PPP2R2C: variants seen among roughly 807,000 people sequenced by gnomAD.
PPP2R2C encodes protein phosphatase 2, regulatory subunit B, gamma.
A neutral mutation model predicts 45.3 loss-of-function variants in PPP2R2C; 10 were observed. The ratio of observed to expected loss-of-function variants is 0.22; its 90% CI spans 0.14 to 0.37. The LOEUF (loss-of-function observed/expected upper bound fraction) is 0.37. Among genes scored for constraint, PPP2R2C ranks in the 10% least tolerant of loss-of-function variants. The pLI is 1.00. For missense variants in PPP2R2C, 308 were observed against 619.7 expected, an observed-to-expected ratio of 0.50 and a Z score of 5.34; for synonymous variants, 257 against 245.4, an observed-to-expected ratio of 1.05 and a Z score of -0.44.
chr4:6,366,979 G>C, intron 5 of PPP2R2C, among the ~76,000 whole-genome samples: 1 of 151,998 alleles, frequency 6.6e-6, no homozygotes, highest in Non-Finnish European at 1.5e-5. Context: ...CTCTGGGCAG[G>C]ACAGGGCGGG....
intron 1 of PPP2R2C, among the ~76,000 whole-genome samples, chr4:6,412,199 C>T (rs552226655): frequency 2.6e-5 from 4 of 152,338 alleles, no homozygotes; most frequent in Admixed American, 2.6e-4. Context: ...AAAAGACCTT[C>T]TCTTAATGAC....
At chr4:6,466,970 T>C (rs1422235191) in intron 1 of PPP2R2C, among the ~76,000 whole-genome samples, 1 of 152,104 alleles carries the variant, frequency 6.6e-6, no homozygotes, top group Non-Finnish European at 1.5e-5. Flanking sequence ...TTTACACGTG[T>C]AGAACTTCAG....
At chr4:6,427,778 A>G (rs1577175149) in intron 1 of PPP2R2C, among the ~76,000 whole-genome samples, 1 of 152,230 alleles carries the variant, frequency 6.6e-6, no homozygotes, top group Admixed American at 6.5e-5. Context: ...CTGAACCCCC[A>G]GTCTGAGAGG....
At chr4:6,405,044 C>G (rs1245935485) in intron 1 of PPP2R2C, among the ~76,000 whole-genome samples, 1 of 152,206 alleles carries the variant, frequency 6.6e-6, no homozygotes, top group East Asian at 1.9e-4. Context: ...ATAAGATGCT[C>G]AGAAGTGTGT....
exon 2 of PPP2R2C, chr4:6,535,316 G>A (rs1240137510): frequency 7.8e-6 from 12 of 1,535,172 alleles, no homozygotes; most frequent in African/African-American, 5.5e-5. Flanking sequence ...TCCGCCTCAC[G>A]CATCCTGAGA....
chr4:6,403,733 G>T (rs1717602889), intron 1 of PPP2R2C, among the ~76,000 whole-genome samples: 1 of 152,042 alleles, frequency 6.6e-6, no homozygotes, highest in South Asian at 2.1e-4. Flanking sequence ...CGTGGTGGTG[G>T]GTGCCTGTAA....
chr4:6,369,700 C>G (rs946447622), intron 5 of PPP2R2C, among the ~76,000 whole-genome samples: 1 of 152,170 alleles, frequency 6.6e-6, no homozygotes, highest in Non-Finnish European at 1.5e-5. Context: ...GCAGCCTCCT[C>G]GAGCCCAGGG....
chr4:6,562,293 A>T (rs1284650965), intron 1 of PPP2R2C, among the ~76,000 whole-genome samples: 1 of 152,154 alleles, frequency 6.6e-6, no homozygotes, highest in East Asian at 1.9e-4. Context: ...TGTTGCTGAC[A>T]GTGTCCCTGT....
intron 1 of PPP2R2C, among the ~76,000 whole-genome samples, chr4:6,394,207 G>C (rs1262787357): frequency 1.3e-5 from 2 of 152,172 alleles, no homozygotes; most frequent in Non-Finnish European, 2.9e-5. Flanking sequence ...CTGGTAAAGG[G>C]GAGACTGGTA....
At chr4:6,523,873 G>A (rs746250759) in intron 2 of PPP2R2C, among the ~76,000 whole-genome samples, 12 of 152,188 alleles carry the variant, frequency 7.9e-5, no homozygotes, top group Admixed American at 2.6e-4. Context: ...TCATACAGTG[G>A]AACATATTCA....
intron 5 of PPP2R2C, chr4:6,349,351 A>C: frequency 1.0e-6 from 1 of 975,948 alleles, no homozygotes; most frequent in South Asian, 4.7e-5. Flanking sequence ...TCCATGCCTC[A>C]GCTTCCTCAT....
At chr4:6,477,492 T>G (rs556281205), upstream of PPP2R2C, among the ~76,000 whole-genome samples, 19 of 152,180 alleles carry the variant, frequency 1.2e-4, no homozygotes, top group South Asian at 3.9e-3. Flanking sequence ...TTTGGGAGGC[T>G]GAGGCGGGTG....
chr4:6,385,858 C>T (rs1203088850), intron 1 of PPP2R2C, among the ~76,000 whole-genome samples: 2 of 152,106 alleles, frequency 1.3e-5, no homozygotes, highest in Non-Finnish European at 2.9e-5. Context: ...TGAGCCACCG[C>T]GCCCGGCCTA....
chr4:6,437,219 C>A (rs2109420482), intron 1 of PPP2R2C, among the ~76,000 whole-genome samples: 1 of 152,232 alleles, frequency 6.6e-6, no homozygotes, highest in African/African-American at 2.4e-5. Flanking sequence ...TTTAGGCATC[C>A]AAGTTTTAAA....
At chr4:6,438,509 C>G (rs1323185607) in intron 1 of PPP2R2C, among the ~76,000 whole-genome samples, 2 of 152,218 alleles carry the variant, frequency 1.3e-5, no homozygotes, top group South Asian at 4.1e-4. Flanking sequence ...CAGCCCCTTC[C>G]ATTAAATGAC....
intron 1 of PPP2R2C, among the ~76,000 whole-genome samples, chr4:6,399,718 C>T (rs988838941): frequency 6.6e-6 from 1 of 152,188 alleles, no homozygotes; most frequent in Admixed American, 6.5e-5. Context: ...AGGACATTCT[C>T]GGATGCTGAG....
chr4:6,432,646 G>A (rs1015910871), intron 1 of PPP2R2C, among the ~76,000 whole-genome samples: 5 of 152,180 alleles, frequency 3.3e-5, no homozygotes, highest in South Asian at 2.1e-4. Flanking sequence ...GGGACAACAC[G>A]CATACGCATT....
chr4:6,349,515 T>C (rs1712335157), intron 5 of PPP2R2C: 1 of 985,334 alleles, frequency 1.0e-6, no homozygotes, highest in South Asian at 4.7e-5. Context: ...ACTGAAACTC[T>C]GAAATCCATC....
At chr4:6,493,371 G>T (rs1722771778) in intron 2 of PPP2R2C, among the ~76,000 whole-genome samples, 1 of 151,734 alleles carries the variant, frequency 6.6e-6, no homozygotes, top group African/African-American at 2.4e-5. Flanking sequence ...GGGGCGTGTG[G>T]ACATGGAGGA....
Sources: gnomAD v4.1 joint callset for allele counts (sites outside exome capture counted in the v4.1 genomes callset) on GRCh38, gnomAD v4.1.1 for gene constraint, MANE v1.5 for transcripts, NCBI Gene and HGNC (gene_info 2026-07-23, HGNC 2026-07-21) for gene names.